The following IGSF11 variants were observed in gnomAD, a reference collection of about 807,000 sequenced individuals.
The protein encoded by IGSF11 is CXADR like 1.
Under a neutral mutation model 41.0 loss-of-function variants are expected in IGSF11, and 22 were observed. The ratio of observed to expected loss-of-function variants is 0.54; its 90% CI spans 0.38 to 0.77. The LOEUF (loss-of-function observed/expected upper bound fraction) is 0.77. IGSF11 is among the 30% of genes least tolerant of loss of function. The pLI, the probability that IGSF11 is intolerant of heterozygous loss-of-function variation, is 0.00. For synonymous variants in IGSF11, 219 were observed against 201.3 expected (o/e 1.09, Z -0.74); for missense variants, 444 against 530.8 (o/e 0.84, Z 1.61).
At chr3:119,059,721 A>G (rs1941994076) in intron 1 of IGSF11, among the ~76,000 whole-genome samples, 1 of 151,974 alleles carries the variant, frequency 6.6e-6, no homozygotes, top group Non-Finnish European at 1.5e-5. Flanking sequence ...GAATGTTCAG[A>G]CAATTTTCCA....
At chr3:119,110,174 A>G (rs147943709), upstream of IGSF11, among the ~76,000 whole-genome samples, 316 of 152,146 alleles carry the variant, frequency 2.1e-3, no homozygotes, top group African/African-American at 7.3e-3. Context: ...AGATCTGACT[A>G]ATGTTGACAG....
rs141212481 is a variant in IGSF11, at chr3:118,962,017, A to G, written c.53-31742T>C. ...ATATGTGATTTACAGATAGGTAATT[A>G]TATGGCCTGGACTCTGATACATGTT... On this transcript the variant is annotated intron_variant, in intron 1 of 6. Transcript: ENST00000393775. Among the ~76,000 whole-genome samples the G allele has an allele frequency of 4.7e-3, 713 of 152,368 alleles. 2 individuals are homozygous for G. The highest frequency in any genetic ancestry group is 7.2e-3 in the Non-Finnish European group (490 of 68,030).
intron 1 of IGSF11, among the ~76,000 whole-genome samples, chr3:119,034,241 C>T (rs1421067338): frequency 1.3e-5 from 2 of 152,232 alleles, no homozygotes; most frequent in African/African-American, 2.4e-5. Flanking sequence ...AAGGATCCTG[C>T]ATTCCGCAGA....
intron 1 of IGSF11, among the ~76,000 whole-genome samples, chr3:118,938,576 A>C (rs549287795): frequency 3.9e-5 from 6 of 152,194 alleles, no homozygotes; most frequent in Non-Finnish European, 8.8e-5. Flanking sequence ...ACATGCTACT[A>C]TGATTGCTAC....
rs2107741377 is a variant in IGSF11 at position 119,034,708 on chromosome 3, T to C, written c.-126A>G. ...CCCACACCCAGCGCCGGGCCGCTGT[T>C]CCCCGCGCAGAGCTGGGACTGTCAG... On this transcript the variant is annotated 5_prime_UTR_variant, in exon 1 of 7. Transcript: ENST00000393775. 7.2e-7 allele frequency: 1 copy of C among 1,379,478 alleles called. No homozygotes were observed. Among genetic ancestry groups the C allele is most frequent in the Non-Finnish European group, 9.4e-7 (1 of 1,061,154 alleles). 85.5% of individuals were successfully genotyped at this position (1,379,478 alleles called of 1,614,324 possible). A position where few individuals can be genotyped will look rare whatever the true frequency, so the allele number is the denominator to read the frequency against.
intron 1 of IGSF11, among the ~76,000 whole-genome samples, chr3:119,100,547 T>C (rs1674393967): frequency 6.6e-6 from 1 of 152,254 alleles, no homozygotes; most frequent in Admixed American, 6.5e-5. Flanking sequence ...TGATCTACTA[T>C]TCACTGCTTA....
intron 1 of IGSF11, among the ~76,000 whole-genome samples, chr3:119,134,124 A>T (rs1345521923): frequency 6.6e-6 from 1 of 152,184 alleles, no homozygotes; most frequent in Non-Finnish European, 1.5e-5. Context: ...AATGGGCAAA[A>T]ACTGGAAGCA....
chr3:119,101,626 C>T (rs1459010164), intron 1 of IGSF11, among the ~76,000 whole-genome samples: 1 of 152,108 alleles, frequency 6.6e-6, no homozygotes, highest in Non-Finnish European at 1.5e-5. Context: ...ATGGATATAC[C>T]ATAATTTATT....
intron 1 of IGSF11, among the ~76,000 whole-genome samples, chr3:119,068,817 T>G (rs543994071): frequency 6.6e-6 from 1 of 152,262 alleles, no homozygotes; most frequent in South Asian, 2.1e-4. Context: ...CAATGGTTTA[T>G]TTATTCTAAA....
At position 119,006,906 on chromosome 3, in the gene IGSF11, GCTGT is replaced by G. The variant is rs879654421; in HGVS notation, c.52+27621_52+27624del. Among the ~76,000 whole-genome samples the G allele has an allele frequency of 1.0e-2, 1,365 of 136,972 alleles. 21 individuals are homozygous for G. Among genetic ancestry groups the G allele is most frequent in the Non-Finnish European group, 0.012 (744 of 64,200 alleles). The allele number at this position is 136,972 out of a possible 152,430, so 89.9% of individuals were successfully genotyped here. On this transcript the variant is annotated intron_variant, in intron 1 of 6. Transcript: ENST00000393775. The stretch of plus-strand genomic sequence containing the variant: ...GACATTTAAGTGTGCAGAGGTTACT[GCTGT>G]CTTTTTGTTTGTCTGTGCCCTGCCC...
intron 1 of IGSF11, among the ~76,000 whole-genome samples, chr3:118,931,221 A>T (rs1217334962): frequency 6.6e-6 from 1 of 152,210 alleles, no homozygotes; most frequent in Non-Finnish European, 1.5e-5. Flanking sequence ...ATGATCACAG[A>T]CCTAAATAAA....
At chr3:119,106,766 T>G (rs989609551), upstream of IGSF11, among the ~76,000 whole-genome samples, 5 of 150,162 alleles carry the variant, frequency 3.3e-5, no homozygotes, top group Admixed American at 1.3e-4. Context: ...GTCCCCACAG[T>G]GTGATGTTCC....
In IGSF11 at chr3:119,094,223, T is replaced by TAAAAAAAAAAAA. The variant is rs1175348778; in HGVS notation, c.49+10909_49+10920dup. Among the ~76,000 whole-genome samples, 13 of 35,074 alleles carry TAAAAAAAAAAAA rather than the reference T, an allele frequency of 3.7e-4. 1 individual carries two copies. The highest frequency in any genetic ancestry group is 2.1e-3 in the South Asian group (1 of 470). The allele number at this position is 35,074 out of a possible 152,430, so 23.0% of individuals were successfully genotyped here. On this transcript the variant is annotated intron_variant, in intron 1 of 6. Transcript: ENST00000354673. ...TGGAAAGAAGGACTACATAGCGAAGTAAAAAAAAAAAAAAAAAAAAAAAAA... is the reference window on the plus strand; with the variant it reads ...TGGAAAGAAGGACTACATAGCGAAGTAAAAAAAAAAAAAAAAAAAAAAAAAAAAAAAAAAAAA...
intron 1 of IGSF11, among the ~76,000 whole-genome samples, chr3:119,122,640 C>T (rs563396846): frequency 1.3e-5 from 2 of 152,324 alleles, no homozygotes; most frequent in South Asian, 4.1e-4. Context: ...AAAGAAACTC[C>T]ATCCTTCCTC....
Position 119,093,886 on chromosome 3 carries a change from G to C in IGSF11, c.49+11258C>G, listed in dbSNP as rs2076804713. ...TGAATATATGGATAATTTATCATGA[G>C]AAATAGAATATCCAAGAGTATTTAC... On this transcript the variant is annotated intron_variant, in intron 1 of 6. Coordinates refer to the IGSF11 transcript ENST00000354673. 2.0e-5 allele frequency among the ~76,000 whole-genome samples: 3 copies of C among 152,066 alleles called. No individual in the cohort carries two copies. In the South Asian group the frequency reaches 6.2e-4, roughly 32 times the overall value.
rs373681293 is a variant in IGSF11, at chr3:118,930,071, G to C, written c.216+41C>G. 2.8e-4 allele frequency: 439 copies of C among 1,576,754 alleles called. 2 individuals are homozygous for C. In the South Asian group the frequency reaches 3.2e-3, roughly 12 times the overall value. The stretch of plus-strand genomic sequence containing the variant: ...CTTCCCTACCAACCTCCTCTGAAAA[G>C]ATTAACCTTTTAGAGGTAGCACAGG... On this transcript the variant is annotated intron_variant, in intron 2 of 6. Coordinates refer to ENST00000393775, the MANE Select transcript of IGSF11 (RefSeq NM_001015887.3).
intron 1 of IGSF11, among the ~76,000 whole-genome samples, chr3:119,078,907 GACAGA>G (rs1186157415): frequency 6.6e-6 from 1 of 152,034 alleles, no homozygotes; most frequent in Non-Finnish European, 1.5e-5. Context: ...ATGGGCAAAG[GACAGA>G]ACAGAAGTGA....
intron 1 of IGSF11, among the ~76,000 whole-genome samples, chr3:118,981,019 A>G (rs560857157): frequency 6.6e-6 from 1 of 152,348 alleles, no homozygotes; most frequent in East Asian, 1.9e-4. Context: ...GAAGCAGAGT[A>G]ACATCTGGGA....
intron 1 of IGSF11, among the ~76,000 whole-genome samples, chr3:118,986,396 G>A (rs1935259928): frequency 1.3e-5 from 2 of 152,156 alleles, no homozygotes; most frequent in African/African-American, 4.8e-5. Context: ...TCATTGAACT[G>A]AACTGAATTT....
Sources: allele counts gnomAD v4.1 joint callset (sites outside exome capture counted in the v4.1 genomes callset), GRCh38; gene constraint gnomAD v4.1.1; transcripts MANE v1.5; gene names NCBI Gene and HGNC (gene_info 2026-07-23, HGNC 2026-07-21).